PYY: variants seen among roughly 807,000 people sequenced by gnomAD.
PYY encodes the protein peptide tyrosine tyrosine.
Under a neutral mutation model 10.3 loss-of-function variants are expected in PYY, and 12 were observed. The ratio of observed to expected loss-of-function variants is 1.17; its 90% CI spans 0.75 to 1.89. PYY has a LOEUF of 1.89. PYY is among the 40% of genes most tolerant of loss of function. PYY has a pLI of 0.00. For missense variants in PYY, 141 were observed against 134.0 expected (o/e 1.05, Z -0.26); for synonymous variants, 66 against 62.0 (o/e 1.06, Z -0.30).
rs71361552 is a variant in PYY at position 43,969,515 on chromosome 17, CAA to C, written c.-462-2985_-462-2984del. Among the ~76,000 whole-genome samples the C allele has an allele frequency of 2.6e-3, 232 of 90,440 alleles. 1 individual carries two copies. Among genetic ancestry groups the C allele is most frequent in the African/African-American group, 8.5e-3 (209 of 24,528 alleles). The allele number at this position is 90,440 out of a possible 152,430, so 59.3% of individuals were successfully genotyped here. A position where few individuals can be genotyped will look rare whatever the true frequency, so the allele number is the denominator to read the frequency against. On this transcript the variant is annotated intron_variant, in intron 1 of 6. Coordinates refer to the PYY transcript ENST00000360085. ...TGGGTGATAGAGCAAGACTCTGTCT[CAA>C]AAAAAAAAAAAAAAAAAGCAAATGC...
chr17:43,974,399 G>A (rs2193640), intron 1 of PYY, among the ~76,000 whole-genome samples: 34,612 of 151,616 alleles, frequency 0.23, 5,867 homozygotes, highest in East Asian at 0.69. Context: ...TTGGAGGGAG[G>A]TGTCCCATGG....
rs1055566855 is a variant in PYY, at chr17:43,953,479, A to C, written c.5T>G (p.Val2Gly). ...GGCGGGCCACGGCCTGCGCACGAAC[A>C]CCATCTGGGAAGGCGACATTGGGAC... is the stretch of plus-strand genomic sequence containing the variant. M[V>G]FVRRPWPALT... Residue 2 changes from valine to glycine, a missense_variant, in exon 2 of 4, where the codon GTG (valine) becomes GGG (glycine). By Grantham distance (109) the Val-to-Gly change is moderately radical. Coordinates refer to ENST00000692052, the MANE Select transcript of PYY (RefSeq NM_001394028.1). 6.3e-7 allele frequency: 1 copy of C among 1,590,702 alleles called. No homozygotes were observed. Among genetic ancestry groups the C allele is most frequent in the African/African-American group, 1.3e-5 (1 of 74,230 alleles).
In PYY at chr17:43,971,439, A is replaced by T. The variant is rs183544712; in HGVS notation, c.-462-4907T>A. On this transcript the variant is annotated intron_variant, in intron 1 of 6. Coordinates refer to the PYY transcript ENST00000360085. ...ATAAAAATTGGCCGGGCATGGTGACACAAGTCTGTAATCCCAGCTACTCAG... is the reference window on the plus strand; with the variant it reads ...ATAAAAATTGGCCGGGCATGGTGACTCAAGTCTGTAATCCCAGCTACTCAG... 9.9e-5 allele frequency among the ~76,000 whole-genome samples: 15 copies of T among 152,134 alleles called. No homozygotes were observed. The East Asian group carries it at 1.2e-3, about 12-fold the overall frequency.
upstream of PYY, among the ~76,000 whole-genome samples, chr17:43,958,267 G>A (rs1412729392): frequency 6.6e-6 from 1 of 150,722 alleles, no homozygotes; most frequent in Non-Finnish European, 1.5e-5. Flanking sequence ...ACTGTTTACA[G>A]ATTCAACCAC....
At chr17:43,989,236 T>C (rs969605515) in intron 1 of PYY, among the ~76,000 whole-genome samples, 15 of 151,846 alleles carry the variant, frequency 9.9e-5, no homozygotes, top group Non-Finnish European at 1.9e-4. Flanking sequence ...TAGCCGGGCG[T>C]GGTGGCGGGC....
At chr17:43,963,937 G>A (rs528239613) in intron 2 of PYY, among the ~76,000 whole-genome samples, 9 of 152,276 alleles carry the variant, frequency 5.9e-5, no homozygotes, top group Admixed American at 5.2e-4. Context: ...TGCTTGAGCC[G>A]AGATCAAGGC....
chr17:43,990,951 C>A (rs111363640), intron 1 of PYY, among the ~76,000 whole-genome samples: 1 of 151,680 alleles, frequency 6.6e-6, no homozygotes, highest in Non-Finnish European at 1.5e-5. Flanking sequence ...CCCGCCACCA[C>A]GCCCGGCTAA....
At chr17:43,978,278 AGAAG>A (rs886591043) in intron 1 of PYY, among the ~76,000 whole-genome samples, 14 of 150,358 alleles carry the variant, frequency 9.3e-5, no homozygotes, top group South Asian at 4.2e-4. Context: ...AGAGAGAGAG[AGAAG>A]GAAGGAAGGA....
chr17:43,993,257 G>A (rs964311325), intron 1 of PYY, among the ~76,000 whole-genome samples: 1 of 152,082 alleles, frequency 6.6e-6, no homozygotes, highest in Non-Finnish European at 1.5e-5. Flanking sequence ...TCAGGAGATC[G>A]AGACCAACCT....
At chr17:43,991,597 G>A (rs967129591) in intron 1 of PYY, among the ~76,000 whole-genome samples, 12 of 152,044 alleles carry the variant, frequency 7.9e-5, no homozygotes, top group Admixed American at 3.9e-4. Context: ...CACAACATAC[G>A]TCTTCCTGAA....
rs151090042 is a variant in PYY at position 43,980,685 on chromosome 17, G to T, written c.-462-14153C>A. On this transcript the variant is annotated intron_variant, in intron 1 of 6. Coordinates refer to the PYY transcript ENST00000360085. ...AACAGGGTTTCACCATGTTGGCCAG[G>T]CTGTTCTTGAACTCCTGACCTCTTG... Among the ~76,000 whole-genome samples, 5 of 151,748 alleles carry T rather than the reference G, an allele frequency of 3.3e-5. No individual in the cohort carries two copies. In the East Asian group the frequency reaches 9.7e-4, roughly 29 times the overall value.
chr17:43,989,006 C>G (rs1422968913), intron 1 of PYY, among the ~76,000 whole-genome samples: 1 of 151,848 alleles, frequency 6.6e-6, no homozygotes, highest in East Asian at 2.0e-4. Flanking sequence ...AAGTGATCTG[C>G]CCGCCTCAGC....
intron 1 of PYY, among the ~76,000 whole-genome samples, chr17:43,988,641 G>C (rs1393172022): frequency 1.3e-5 from 2 of 151,882 alleles, no homozygotes; most frequent in Non-Finnish European, 2.9e-5. Context: ...TTATTGTTTT[G>C]ATAATCTCCA....
At chr17:43,977,032 T>C (rs2048853864) in intron 1 of PYY, among the ~76,000 whole-genome samples, 1 of 152,096 alleles carries the variant, frequency 6.6e-6, no homozygotes, top group African/African-American at 2.4e-5. Flanking sequence ...TCTCCATATA[T>C]GCTTCTCCCC....
At chr17:44,000,704 A>T (rs1231994780) in intron 1 of PYY, among the ~76,000 whole-genome samples, 4 of 149,730 alleles carry the variant, frequency 2.7e-5, no homozygotes, top group Non-Finnish European at 5.9e-5. Context: ...GTCAGCCACC[A>T]CACCTGGCTA....
intron 1 of PYY, among the ~76,000 whole-genome samples, chr17:44,002,231 G>A (rs552024285): frequency 2.6e-5 from 4 of 152,202 alleles, no homozygotes; most frequent in Non-Finnish European, 4.4e-5. Flanking sequence ...GGGGGACTGC[G>A]GGGAAGATCC....
intron 1 of PYY, among the ~76,000 whole-genome samples, chr17:43,995,301 A>G (rs2048983929): frequency 6.6e-6 from 1 of 152,164 alleles, no homozygotes; most frequent in Admixed American, 6.5e-5. Context: ...GTAGAACCCT[A>G]TGAAATTTAC....
chr17:43,977,790 C>T (rs2048858442), intron 1 of PYY, among the ~76,000 whole-genome samples: 1 of 152,126 alleles, frequency 6.6e-6, no homozygotes, highest in African/African-American at 2.4e-5. Flanking sequence ...GCCTGGGGCT[C>T]CTAAAACCAC....
chr17:44,001,572 G>A (rs1402253433), intron 1 of PYY, among the ~76,000 whole-genome samples: 1 of 152,146 alleles, frequency 6.6e-6, no homozygotes, highest in Non-Finnish European at 1.5e-5. Context: ...GTGGCCCCAG[G>A]GTCAATGGGC....
Sources: allele counts gnomAD v4.1 joint callset (sites outside exome capture counted in the v4.1 genomes callset), GRCh38; gene constraint gnomAD v4.1.1; transcripts MANE v1.5; gene names NCBI Gene and HGNC (gene_info 2026-07-23, HGNC 2026-07-21).